The following MYLK variants were observed in gnomAD, a reference collection of about 807,000 sequenced individuals.
MYLK encodes myosin light chain kinase, smooth muscle.
Under a neutral mutation model 203.4 loss-of-function variants are expected in MYLK, and 106 were observed. The observed-to-expected ratio is 0.52, with a 90% CI of 0.45 to 0.61. The LOEUF is 0.61. MYLK is among the 20% of genes least tolerant of loss of function. The pLI is 0.00. For missense variants in MYLK, 2,072 were observed against 2,442.3 expected, an observed-to-expected ratio of 0.85 and a Z score of 3.20; for synonymous variants, 867 against 959.5, an observed-to-expected ratio of 0.90 and a Z score of 1.78.
chr3:123,701,439 G>A lies in MYLK; in HGVS notation c.2461C>T (p.Arg821Trp), dbSNP rs150007422. The part of the protein sequence containing the change: ...LQNSSARALP[R>W]GREPASCEDL... ...GGGGCAGCTCCTGGGGGCACTCACC[G>A]TGGAAGGGCTCTGGCAGAGCTGTTC... Residue 821 changes from arginine to tryptophan, a missense_variant and splice_region_variant, in exon 17 of 34, where the codon CGG (arginine) becomes TGG (tryptophan). Transcript: ENST00000360304. The A allele has an allele frequency of 2.1e-4, 338 of 1,613,924 alleles. No homozygotes were observed. Among genetic ancestry groups the A allele is most frequent in the Non-Finnish European group, 2.7e-4 (321 of 1,179,992 alleles).
rs368792628 is a variant in MYLK, at chr3:123,688,570, C to T, written c.3565+4165G>A. ...GACATGAGTGATCCTTCATAAATGT[C>T]CAGTGTTGGCCCATAACACTTAGAA... On this transcript the variant is annotated intron_variant, in intron 19 of 33. Coordinates refer to ENST00000360304, the MANE Select transcript of MYLK (RefSeq NM_053025.4). 1.6e-4 allele frequency among the ~76,000 whole-genome samples: 24 copies of T among 152,270 alleles called. No homozygotes were observed. The South Asian group carries it at 5.0e-3, about 32-fold the overall frequency.
chr3:123,701,613 G>T, intron 16 of MYLK, 104 bp from the exon 17 acceptor site: 1 of 1,188,260 alleles, frequency 8.4e-7, no homozygotes, highest in East Asian at 2.4e-5. Context: ...GAAGATGGAA[G>T]TCGCCGGCTT....
chr3:123,721,598 G>C (rs1345574660), intron 13 of MYLK, among the ~76,000 whole-genome samples: 60 of 152,092 alleles, frequency 3.9e-4, no homozygotes, highest in East Asian at 1.7e-3. Context: ...GCAGAAAGGG[G>C]ACAACCTGTG....
chr3:123,847,879 A>G (rs1336111416), intron 2 of MYLK, among the ~76,000 whole-genome samples: 3 of 152,020 alleles, frequency 2.0e-5, no homozygotes, highest in Non-Finnish European at 4.4e-5. Flanking sequence ...TTGGATATTT[A>G]AGTTATACTA....
intron 4 of MYLK, among the ~76,000 whole-genome samples, chr3:123,773,885 A>G (rs566865766): frequency 1.3e-5 from 2 of 152,340 alleles, no homozygotes; most frequent in East Asian, 3.9e-4. Context: ...GCTAATTTCA[A>G]GACCTGGAAG....
At chr3:123,863,081 C>T (rs989931674) in intron 2 of MYLK, among the ~76,000 whole-genome samples, 1 of 152,142 alleles carries the variant, frequency 6.6e-6, no homozygotes, top group East Asian at 1.9e-4. Context: ...GGTTACTTAA[C>T]CTAGCTCTGT....
Position 123,752,556 on chromosome 3 carries a change from AAGGGTAAG to A in MYLK, c.166-26_166-19del. 6.2e-7 allele frequency: 1 copy of A among 1,603,822 alleles called. No individual in the cohort carries two copies. On this transcript the variant is annotated intron_variant, in intron 4 of 33. Transcript: ENST00000360304. ...CCCCGGACCTTCAAGAAAAAGAAGA[AAGGGTAAG>A]AGCCTGTATTTCATGAGTACTCTCT...
At chr3:123,781,826 A>C (rs181177022) in intron 4 of MYLK, among the ~76,000 whole-genome samples, 1 of 152,190 alleles carries the variant, frequency 6.6e-6, no homozygotes, top group Admixed American at 6.5e-5. Flanking sequence ...CTCATGGTAA[A>C]GTGCTTCATA....
chr3:123,647,166 G>A (rs2059049185), intron 27 of MYLK, 58 bp downstream of exon 27: 2 of 1,525,696 alleles, frequency 1.3e-6, no homozygotes, highest in Non-Finnish European at 1.8e-6. Context: ...AGGGCAGTAG[G>A]GGAGACACGT....
intron 19 of MYLK, 40 bp from the exon 20 acceptor site, chr3:123,682,350 G>A (rs1478027886): frequency 2.0e-6 from 3 of 1,467,022 alleles, no homozygotes; most frequent in Non-Finnish European, 2.8e-6. Flanking sequence ...AGCAGCTGCT[G>A]AGGAAATGAG....
intron 2 of MYLK, among the ~76,000 whole-genome samples, chr3:123,852,295 A>T (rs2148669117): frequency 6.6e-6 from 1 of 151,758 alleles, no homozygotes; most frequent in Non-Finnish European, 1.5e-5. Flanking sequence ...TTTTCTATTG[A>T]TTGGAATGGT....
At chr3:123,708,600 A>T in intron 15 of MYLK, 98 bp downstream of exon 15, 4 of 1,422,600 alleles carry the variant, frequency 2.8e-6, no homozygotes, top group Non-Finnish European at 3.9e-6. Flanking sequence ...CCTCAGTGGG[A>T]ACAAAGTAGC....
chr3:123,629,340 T>A lies in MYLK; in HGVS notation c.5114+134A>T. ...GGTCTCTTACCATGCCCACCCTCCCTTCCTCAGGGAATGCTAGGAACGACC... is the reference window on the plus strand; with the variant it reads ...GGTCTCTTACCATGCCCACCCTCCCATCCTCAGGGAATGCTAGGAACGACC... On this transcript the variant is annotated intron_variant, in intron 30 of 33. Coordinates refer to ENST00000360304, the MANE Select transcript of MYLK (RefSeq NM_053025.4). The surrounding 1 kb of genome is among the most constrained non-coding windows in gnomAD (Gnocchi z 4.4). 2 of 1,109,258 alleles carry A rather than the reference T, an allele frequency of 1.8e-6. No homozygotes were observed. 68.7% of individuals were successfully genotyped at this position (1,109,258 alleles called of 1,614,324 possible). A position where few individuals can be genotyped will look rare whatever the true frequency, so the allele number is the denominator to read the frequency against.
intron 5 of MYLK, 150 bp from the exon 6 acceptor site, chr3:123,740,151 G>A: frequency 1.3e-6 from 1 of 768,670 alleles, no homozygotes; most frequent in Non-Finnish European, 2.3e-6. Flanking sequence ...TACTATGGTA[G>A]GTGTTTACAT....
intron 13 of MYLK, among the ~76,000 whole-genome samples, chr3:123,714,729 A>G (rs1169873823): frequency 6.6e-6 from 1 of 152,148 alleles, no homozygotes; most frequent in Non-Finnish European, 1.5e-5. Context: ...CTTGCCTAGG[A>G]TTAAGGATCT....
In MYLK at chr3:123,732,925, A is replaced by G. The variant is rs890692103; in HGVS notation, c.1487T>C (p.Leu496Pro). 3.1e-6 allele frequency: 5 copies of G among 1,614,152 alleles called. No homozygotes were observed. The highest frequency in any genetic ancestry group is 4.2e-6 in the Non-Finnish European group (5 of 1,180,032). The stretch of plus-strand genomic sequence containing the variant: ...CACTTGGAGGGTCCAGCTACAGGAC[A>G]GCTGGCCTTGGGCGTTGGAAGCAGT... ...SCTASNAQGQ[L>P]SCSWTLQVER... Residue 496 changes from leucine (L) to proline (P), a missense_variant, in exon 11 of 34, where the codon CTG (leucine) becomes CCG (proline). Coordinates refer to ENST00000360304, the MANE Select transcript of MYLK (RefSeq NM_053025.4).
At chr3:123,634,796 G>A (rs1467598322) in intron 29 of MYLK, among the ~76,000 whole-genome samples, 2 of 152,214 alleles carry the variant, frequency 1.3e-5, no homozygotes, top group African/African-American at 4.8e-5. Flanking sequence ...AGCAGGGGGA[G>A]GAGGGCTCTT....
At chr3:123,618,424 T>C in intron 33 of MYLK, 1 of 574,504 alleles carries the variant, frequency 1.7e-6, no homozygotes, top group Non-Finnish European at 3.1e-6. Flanking sequence ...ATGTGCCCCC[T>C]GGGGAAGTGA....
chr3:123,866,738 C>T (rs2032355481), intron 2 of MYLK, among the ~76,000 whole-genome samples: 2 of 152,120 alleles, frequency 1.3e-5, no homozygotes, highest in South Asian at 4.1e-4. Context: ...CACCTCGTCA[C>T]CCAGACAGAC....
Sources: allele counts gnomAD v4.1 joint callset (sites outside exome capture counted in the v4.1 genomes callset), GRCh38; gene constraint gnomAD v4.1.1; non-coding constraint Gnocchi (gnomAD v3.1); transcripts MANE v1.5; gene names NCBI Gene and HGNC (gene_info 2026-07-23, HGNC 2026-07-21).